MACROD2: variants seen among roughly 807,000 people sequenced by gnomAD.
MACROD2 encodes mono-ADP ribosylhydrolase 2.
Under a neutral mutation model 70.4 loss-of-function variants are expected in MACROD2, and 36 were observed. The ratio of observed to expected loss-of-function variants is 0.51; its 90% CI spans 0.39 to 0.68. The LOEUF (loss-of-function observed/expected upper bound fraction) is 0.68, where lower values mean the gene tolerates loss of function less well. Among genes scored for constraint, MACROD2 ranks in the 30% least tolerant of loss-of-function variants. MACROD2 has a pLI of 0.00. For missense variants in MACROD2, 496 were observed against 538.4 expected (o/e 0.92, Z 0.78); for synonymous variants, 172 against 178.8 (o/e 0.96, Z 0.30).
intron 3 of MACROD2, among the ~76,000 whole-genome samples, chr20:14,109,595 A>G (rs2054420372): frequency 6.6e-6 from 1 of 151,934 alleles, no homozygotes; most frequent in Admixed American, 6.6e-5. Context: ...AACTCAAAGG[A>G]TCACTAGTAG....
At chr20:14,414,674 G>C (rs1210523628) in intron 3 of MACROD2, among the ~76,000 whole-genome samples, 1 of 152,160 alleles carries the variant, frequency 6.6e-6, no homozygotes, top group African/African-American at 2.4e-5. Context: ...TGTCCGTCAA[G>C]GCCCTGCCAC....
chr20:15,746,173 G>C (rs944027199), intron 8 of MACROD2, among the ~76,000 whole-genome samples: 1 of 151,904 alleles, frequency 6.6e-6, no homozygotes, highest in African/African-American at 2.4e-5. Flanking sequence ...ATTCATTTAA[G>C]TTATTTTTAG....
chr20:14,687,135 T>G (rs2071011937), intron 5 of MACROD2, among the ~76,000 whole-genome samples: 1 of 152,236 alleles, frequency 6.6e-6, no homozygotes, highest in Non-Finnish European at 1.5e-5. Flanking sequence ...GGTTGTTGAC[T>G]GCTACAATAA....
chr20:16,023,473 CAAAAA>C (rs60347463), intron 15 of MACROD2, among the ~76,000 whole-genome samples: 1 of 71,462 alleles, frequency 1.4e-5, no homozygotes, highest in African/African-American at 5.4e-5. Context: ...GACTCCATCT[CAAAAA>C]AAAAAAAAAA....
At chr20:14,886,496 A>G (rs965954982) in intron 5 of MACROD2, among the ~76,000 whole-genome samples, 2 of 152,112 alleles carry the variant, frequency 1.3e-5, no homozygotes, top group Non-Finnish European at 2.9e-5. Context: ...TTTATCATTT[A>G]AGGGATCCCC....
intron 2 of MACROD2, among the ~76,000 whole-genome samples, chr20:14,037,912 G>C (rs1392706136): frequency 6.6e-6 from 1 of 152,106 alleles, no homozygotes; most frequent in Non-Finnish European, 1.5e-5. Flanking sequence ...CTACTCAGGA[G>C]GTTGAGGTGG....
At position 15,380,739 on chromosome 20, in the gene MACROD2, G is replaced by A. The variant is rs373617208; in HGVS notation, c.541-50666G>A. ...GAAATTAGCAAACAATATAGATTAAGGTTTTATTGTTTGTTAATAATTTCA... is the reference window on the plus strand; with the variant it reads ...GAAATTAGCAAACAATATAGATTAAAGTTTTATTGTTTGTTAATAATTTCA... On this transcript the variant is annotated intron_variant, in intron 6 of 17. Transcript: ENST00000684519. 4.2e-4 allele frequency among the ~76,000 whole-genome samples: 64 copies of A among 152,078 alleles called. No homozygotes were observed. The East Asian group carries it at 0.01, about 25-fold the overall frequency.
At chr20:14,820,057 G>A (rs1376734449) in intron 5 of MACROD2, among the ~76,000 whole-genome samples, 1 of 152,076 alleles carries the variant, frequency 6.6e-6, no homozygotes, top group African/African-American at 2.4e-5. Context: ...TGGTGAAGGT[G>A]GACAGAGTAG....
At chr20:14,213,022 T>C (rs1342590419) in intron 3 of MACROD2, among the ~76,000 whole-genome samples, 2 of 151,840 alleles carry the variant, frequency 1.3e-5, no homozygotes. Flanking sequence ...GGGGTAGTAT[T>C]TGTGTAATTT....
chr20:15,395,461 T>C (rs1351235122), intron 6 of MACROD2, among the ~76,000 whole-genome samples: 1 of 152,200 alleles, frequency 6.6e-6, no homozygotes, highest in African/African-American at 2.4e-5. Context: ...AACACAAGGG[T>C]TGGCAGGCTT....
At chr20:15,112,136 A>G (rs554701167) in intron 5 of MACROD2, among the ~76,000 whole-genome samples, 109 of 152,306 alleles carry the variant, frequency 7.2e-4, no homozygotes, top group African/African-American at 2.3e-3. Flanking sequence ...TTTTATTGCT[A>G]TCTTAGTCTA....
At chr20:15,315,832 A>T (rs922641486) in intron 6 of MACROD2, among the ~76,000 whole-genome samples, 7 of 152,200 alleles carry the variant, frequency 4.6e-5, no homozygotes, top group African/African-American at 1.4e-4. Flanking sequence ...TTGATTTCTT[A>T]TATGATTTAA....
At chr20:14,463,484 G>T (rs1390693219) in intron 3 of MACROD2, among the ~76,000 whole-genome samples, 1 of 152,066 alleles carries the variant, frequency 6.6e-6, no homozygotes, top group Non-Finnish European at 1.5e-5. Flanking sequence ...TCTGCAAACA[G>T]GGACAACTTG....
intron 5 of MACROD2, among the ~76,000 whole-genome samples, chr20:14,977,752 G>A (rs2074754880): frequency 6.6e-6 from 1 of 152,110 alleles, no homozygotes; most frequent in Admixed American, 6.5e-5. Context: ...GGGAGTAAAA[G>A]GGAAGATGAG....
At chr20:14,048,934 C>G (rs868003047) in intron 2 of MACROD2, among the ~76,000 whole-genome samples, 1 of 151,894 alleles carries the variant, frequency 6.6e-6, no homozygotes, top group East Asian at 1.9e-4. Flanking sequence ...ACAAGCTGTC[C>G]TACAGCAAGT....
At chr20:14,781,610 T>C (rs533914425) in intron 5 of MACROD2, among the ~76,000 whole-genome samples, 139 of 151,498 alleles carry the variant, frequency 9.2e-4, no homozygotes, top group Non-Finnish European at 1.7e-3. Flanking sequence ...CAGACAAGTT[T>C]TACAATTTTG....
chr20:15,034,761 T>C (rs2075300625), intron 5 of MACROD2, among the ~76,000 whole-genome samples: 1 of 152,210 alleles, frequency 6.6e-6, no homozygotes, highest in Non-Finnish European at 1.5e-5. Flanking sequence ...TTTCTTTCAC[T>C]TAACAGGAAT....
chr20:15,007,627 T>C (rs534476210), intron 5 of MACROD2, among the ~76,000 whole-genome samples: 52 of 152,300 alleles, frequency 3.4e-4, no homozygotes, highest in South Asian at 1.5e-3. Context: ...GTCCTCAGGA[T>C]ATAGGATTTT....
intron 3 of MACROD2, among the ~76,000 whole-genome samples, chr20:14,194,496 T>A (rs574149228): frequency 2.0e-5 from 3 of 152,254 alleles, no homozygotes; most frequent in African/African-American, 7.2e-5. Context: ...GACAAATTCA[T>A]AAGTGACACT....
Sources: allele counts gnomAD v4.1 joint callset (sites outside exome capture counted in the v4.1 genomes callset), GRCh38; gene constraint gnomAD v4.1.1; transcripts MANE v1.5; gene names NCBI Gene and HGNC (gene_info 2026-07-23, HGNC 2026-07-21).